SMURF2: variants seen among roughly 807,000 people sequenced by gnomAD.
SMURF2 encodes the protein E3 ubiquitin-protein ligase SMURF2.
A neutral mutation model predicts 109.6 loss-of-function variants in SMURF2; 48 were observed. The observed-to-expected ratio is 0.44, with a 90% CI of 0.35 to 0.56. The LOEUF (loss-of-function observed/expected upper bound fraction) is 0.56. Among genes scored for constraint, SMURF2 ranks in the 20% least tolerant of loss-of-function variants. The pLI is 0.01. For synonymous variants in SMURF2, 288 were observed against 317.1 expected, an observed-to-expected ratio of 0.91 and a Z score of 0.97; for missense variants, 575 against 909.0, an observed-to-expected ratio of 0.63 and a Z score of 4.72.
chr17:64,620,237 T>C (rs1272648141), intron 1 of SMURF2, among the ~76,000 whole-genome samples: 1 of 152,154 alleles, frequency 6.6e-6, no homozygotes, highest in African/African-American at 2.4e-5. Flanking sequence ...ACATCTAGAG[T>C]ATTTTACAAT....
chr17:64,609,646 G>A (rs141090908), intron 1 of SMURF2, among the ~76,000 whole-genome samples: 8,044 of 129,398 alleles, frequency 0.062, 344 homozygotes, highest in Admixed American at 0.15. Flanking sequence ...AGACTTAAAC[G>A]TAAGACTTAA....
intron 3 of SMURF2, among the ~76,000 whole-genome samples, chr17:64,594,560 A>G (rs1489168349): frequency 6.6e-6 from 1 of 152,158 alleles, no homozygotes; most frequent in African/African-American, 2.4e-5. Context: ...GAATTAAAAT[A>G]TTGTTCAGTA....
chr17:64,607,498 C>T lies in SMURF2; in HGVS notation c.53-858G>A, dbSNP rs905405715. On this transcript the variant is annotated intron_variant, in intron 1 of 18. Transcript: ENST00000262435. ...AAAATTAGCTGGGCGTGGTGGCGTG[C>T]GCCTGTAGTCCCAGCTACTCAGTAG... 3.3e-5 allele frequency among the ~76,000 whole-genome samples: 5 copies of T among 151,688 alleles called. No homozygotes were observed. The East Asian group carries it at 5.8e-4, about 18-fold the overall frequency.
intron 1 of SMURF2, among the ~76,000 whole-genome samples, chr17:64,616,644 G>A (rs1555690132): frequency 6.9e-6 from 1 of 144,748 alleles, no homozygotes; most frequent in Non-Finnish European, 1.5e-5. Flanking sequence ...GACAGTGCGA[G>A]ACTCTGTCTC....
chr17:64,584,564 G>T (rs1335069466), intron 6 of SMURF2, among the ~76,000 whole-genome samples: 1 of 151,534 alleles, frequency 6.6e-6, no homozygotes, highest in Non-Finnish European at 1.5e-5. Flanking sequence ...TCACCATGTT[G>T]GCCAGGATGC....
chr17:64,646,502 G>C (rs1336142300), intron 1 of SMURF2, among the ~76,000 whole-genome samples: 1 of 150,880 alleles, frequency 6.6e-6, no homozygotes, highest in African/African-American at 2.4e-5. Flanking sequence ...TCCCACCTCA[G>C]CCTCCCAAGT....
chr17:64,608,190 AC>A (rs1215501448), intron 1 of SMURF2, among the ~76,000 whole-genome samples: 5 of 152,036 alleles, frequency 3.3e-5, no homozygotes, highest in African/African-American at 1.2e-4. Context: ...ACTTCTACTA[AC>A]AGTTTAAATG....
intron 1 of SMURF2, among the ~76,000 whole-genome samples, chr17:64,643,581 T>C (rs1555692755): frequency 7.2e-5 from 11 of 152,248 alleles, no homozygotes; most frequent in Non-Finnish European, 1.5e-5. Context: ...ACTCTCTCCC[T>C]TTGCCCTTGC....
intron 8 of SMURF2, among the ~76,000 whole-genome samples, chr17:64,579,449 A>T (rs1224103749): frequency 6.6e-6 from 1 of 152,224 alleles, no homozygotes; most frequent in Non-Finnish European, 1.5e-5. Context: ...ACAGATTATA[A>T]ACAAAATCAT....
In SMURF2 at chr17:64,586,035, T is replaced by C. The variant is rs77962161; in HGVS notation, c.485+51A>G. 1.5e-3 allele frequency: 1,841 copies of C among 1,232,476 alleles called. 81 individuals carry two copies. In the East Asian group the frequency reaches 0.044, roughly 29 times the overall value. 76.3% of individuals were successfully genotyped at this position (1,232,476 alleles called of 1,614,324 possible). A position where few individuals can be genotyped will look rare whatever the true frequency, so the allele number is the denominator to read the frequency against. ...AAACACCCACTTATTTCTATTCTTT[T>C]AAGGATATTATCTATATATTTCTCT... On this transcript the variant is annotated intron_variant, in intron 6 of 18. Transcript: ENST00000262435.
chr17:64,621,239 G>C (rs782249456), intron 1 of SMURF2, among the ~76,000 whole-genome samples: 5 of 152,168 alleles, frequency 3.3e-5, no homozygotes, highest in Non-Finnish European at 7.3e-5. Context: ...CGCTCCATTT[G>C]AAAACACAGG....
Position 64,581,961 on chromosome 17 carries a change from CAAAAAAA to C in SMURF2, c.570-977_570-971del, listed in dbSNP as rs200475573. ...AGGCAATAGAGCGGGACTCCATCTC[CAAAAAAA>C]AAAAAAAATTAACATTTAAAACAAC... On this transcript the variant is annotated intron_variant, in intron 7 of 18. Transcript: ENST00000262435. This position sits in a 1 kb window ranked among gnomAD's most constrained non-coding sequence, Gnocchi z 4.3. Among the ~76,000 whole-genome samples, 3 of 124,538 alleles carry C rather than the reference CAAAAAAA, an allele frequency of 2.4e-5. No homozygotes were observed. The highest frequency in any genetic ancestry group is 5.2e-5 in the Non-Finnish European group (3 of 57,680). 81.7% of individuals were successfully genotyped at this position (124,538 alleles called of 152,430 possible).
chr17:64,650,138 T>G (rs1251742016), intron 1 of SMURF2, among the ~76,000 whole-genome samples: 3 of 151,996 alleles, frequency 2.0e-5, no homozygotes, highest in Non-Finnish European at 4.4e-5. Flanking sequence ...ACAAAAAACT[T>G]TACACCTTGA....
At chr17:64,562,646 G>T in intron 11 of SMURF2, 125 bp downstream of exon 11, 1 of 864,916 alleles carries the variant, frequency 1.2e-6, no homozygotes, top group Non-Finnish European at 1.7e-6. Flanking sequence ...CCAAAGTGCT[G>T]GGATTACAGG....
In SMURF2 at chr17:64,662,261, C is replaced by T. The variant is rs902742934; in HGVS notation, c.-381G>A. ...CGGGCGGTGCTCGGGGGCGCCGGAG[C>T]AGAACTCTGGGCTCGGCCGCTTCCT... On this transcript the variant is annotated 5_prime_UTR_variant, in exon 1 of 19. Transcript: ENST00000262435. 3 of 983,218 alleles carry T rather than the reference C, an allele frequency of 3.1e-6. No individual in the cohort carries two copies. Among genetic ancestry groups the T allele is most frequent in the Non-Finnish European group, 3.6e-6 (3 of 829,160 alleles). The allele number at this position is 983,218 out of a possible 1,614,324, so 60.9% of individuals were successfully genotyped here.
intron 15 of SMURF2, among the ~76,000 whole-genome samples, chr17:64,553,684 CTTT>C (rs1555683816): frequency 1.3e-5 from 2 of 152,096 alleles, no homozygotes; most frequent in Non-Finnish European, 2.9e-5. Context: ...AGTAGTGTAA[CTTT>C]TTTTCACAAG....
At chr17:64,587,691 T>G (rs1555687235) in intron 5 of SMURF2, among the ~76,000 whole-genome samples, 1 of 152,194 alleles carries the variant, frequency 6.6e-6, no homozygotes, top group Non-Finnish European at 1.5e-5. Flanking sequence ...ACAGAGCTCC[T>G]TGATATTAAG....
chr17:64,621,506 G>A (rs1176544258), intron 1 of SMURF2, among the ~76,000 whole-genome samples: 1 of 151,832 alleles, frequency 6.6e-6, no homozygotes, highest in African/African-American at 2.4e-5. Context: ...CTTGAATCCA[G>A]GGGGCAGAGG....
At chr17:64,595,581 A>G (rs1568188306) in intron 3 of SMURF2, among the ~76,000 whole-genome samples, 1 of 152,246 alleles carries the variant, frequency 6.6e-6, no homozygotes, top group African/African-American at 2.4e-5. Context: ...ATGTTACCAT[A>G]TAGACCAAAA....
Sources: gnomAD v4.1 joint callset for allele counts (sites outside exome capture counted in the v4.1 genomes callset) on GRCh38, gnomAD v4.1.1 for gene constraint, Gnocchi (gnomAD v3.1) non-coding constraint, MANE v1.5 for transcripts, NCBI Gene and HGNC (gene_info 2026-07-23, HGNC 2026-07-21) for gene names.